RALGPS1: variants seen among roughly 807,000 people sequenced by gnomAD.
The protein encoded by RALGPS1 is Ral GEF with PH domain and SH3 binding motif 1, also known as ras-specific guanine nucleotide-releasing factor RalGPS1.
Under a neutral mutation model 78.8 loss-of-function variants are expected in RALGPS1, and 19 were observed. That is an observed-to-expected ratio of 0.24 (90% CI 0.17 to 0.35). RALGPS1 has a LOEUF of 0.35. RALGPS1 is among the 10% of genes least tolerant of loss of function. The pLI, the probability that RALGPS1 is intolerant of heterozygous loss-of-function variation, is 1.00. For missense variants in RALGPS1, 454 were observed against 688.3 expected, an observed-to-expected ratio of 0.66 and a Z score of 3.81; for synonymous variants, 228 against 256.3, an observed-to-expected ratio of 0.89 and a Z score of 1.06.
intron 8 of RALGPS1, among the ~76,000 whole-genome samples, chr9:127,119,051 C>G (rs1310397580): frequency 2.0e-5 from 3 of 152,142 alleles, no homozygotes; most frequent in Non-Finnish European, 4.4e-5. Context: ...TTCCCTGAGG[C>G]TCTGCCCCCA....
At position 127,185,398 on chromosome 9, in the gene RALGPS1, C is replaced by T. The variant is rs189097879; in HGVS notation, c.911-9693C>T. Among the ~76,000 whole-genome samples the T allele has an allele frequency of 2.0e-5, 3 of 152,346 alleles. No individual in the cohort carries two copies. The East Asian group carries it at 5.8e-4, about 29-fold the overall frequency. On this transcript the variant is annotated intron_variant, in intron 11 of 18. Transcript: ENST00000259351. ...GCACCCACCTGGACATCAGGCCCTC[C>T]AGGGGTCCCCTCTGTGTTCTCACGT...
At chr9:127,005,647 G>T (rs914707078) in intron 4 of RALGPS1, among the ~76,000 whole-genome samples, 3 of 152,114 alleles carry the variant, frequency 2.0e-5, no homozygotes, top group African/African-American at 7.2e-5. Flanking sequence ...CAAAGGATAA[G>T]CCTTGAAGTA....
At chr9:127,129,497 A>C (rs1588072093) in intron 8 of RALGPS1, among the ~76,000 whole-genome samples, 1 of 152,182 alleles carries the variant, frequency 6.6e-6, no homozygotes, top group African/African-American at 2.4e-5. Flanking sequence ...CATTCCAAAG[A>C]CCAGCCAAGC....
intron 8 of RALGPS1, chr9:127,092,058 C>T (rs1378840367): frequency 7.7e-7 from 1 of 1,304,394 alleles, no homozygotes; most frequent in Non-Finnish European, 1.1e-6. Context: ...GAGCATGAAG[C>T]AGACCTGGTT....
chr9:127,115,938 C>T (rs999335180), intron 8 of RALGPS1, among the ~76,000 whole-genome samples: 14 of 152,310 alleles, frequency 9.2e-5, no homozygotes, highest in African/African-American at 3.4e-4. Flanking sequence ...CTCCAGCTGC[C>T]CTCCCCTCCT....
chr9:127,101,850 C>T (rs939340694), intron 8 of RALGPS1, among the ~76,000 whole-genome samples: 2 of 152,120 alleles, frequency 1.3e-5, no homozygotes, highest in Non-Finnish European at 2.9e-5. Context: ...AGATTTTTCT[C>T]TGTGTGTATA....
rs544441424 is a variant in RALGPS1 at position 127,110,162 on chromosome 9, G to A, written c.610+40806G>A. On this transcript the variant is annotated intron_variant, in intron 8 of 18. Transcript: ENST00000259351. ...TTTCCAGAAAGTTCCTCTCTTCCTG[G>A]TCTCTCTTGAGCCCACCCTCATCAG... 3.3e-5 allele frequency among the ~76,000 whole-genome samples: 5 copies of A among 152,210 alleles called. No homozygotes were observed. In the South Asian group the frequency reaches 1.0e-3, roughly 32 times the overall value.
chr9:127,038,262 G>A (rs996437078), intron 5 of RALGPS1, among the ~76,000 whole-genome samples: 4 of 152,136 alleles, frequency 2.6e-5, no homozygotes, highest in Non-Finnish European at 4.4e-5. Flanking sequence ...CATTTTACCC[G>A]TGCTATCTAA....
chr9:127,179,224 A>G (rs1255222362), intron 11 of RALGPS1, among the ~76,000 whole-genome samples: 1 of 152,202 alleles, frequency 6.6e-6, no homozygotes, highest in South Asian at 2.1e-4. Flanking sequence ...GTTTTCATTG[A>G]TCACTAGAGG....
chr9:127,198,991 C>G, intron 13 of RALGPS1, 24 bp from the exon 14 acceptor site: 2 of 1,611,100 alleles, frequency 1.2e-6, no homozygotes, highest in Non-Finnish European at 1.7e-6. Flanking sequence ...CCGTTGTGCT[C>G]ATTGACCTGT....
At chr9:127,176,073 G>C (rs2059853886) in intron 11 of RALGPS1, among the ~76,000 whole-genome samples, 1 of 152,042 alleles carries the variant, frequency 6.6e-6, no homozygotes, top group African/African-American at 2.4e-5. Flanking sequence ...GCCAGACCCT[G>C]CCTCCAGCAC....
intron 4 of RALGPS1, among the ~76,000 whole-genome samples, chr9:127,020,554 G>A (rs2045343631): frequency 6.6e-6 from 1 of 152,240 alleles, no homozygotes; most frequent in Non-Finnish European, 1.5e-5. Flanking sequence ...TGAATGTGAT[G>A]AATTGTTTCT....
rs118045136 is a variant in RALGPS1, at chr9:126,926,832, A to G, written c.-66+11857A>G. On this transcript the variant is annotated intron_variant, in intron 1 of 18. Coordinates refer to ENST00000259351, the MANE Select transcript of RALGPS1 (RefSeq NM_014636.3). ...AGGCAGGTTCAAAAGAAACTGATGT[A>G]GAGGCCTCTCCTACTTGGTAGATGG... 1.8e-4 allele frequency among the ~76,000 whole-genome samples: 28 copies of G among 152,244 alleles called. No individual in the cohort carries two copies. In the East Asian group the frequency reaches 3.7e-3, roughly 20 times the overall value.
intron 4 of RALGPS1, among the ~76,000 whole-genome samples, chr9:127,026,521 C>G (rs1263595726): frequency 6.6e-6 from 1 of 152,222 alleles, no homozygotes; most frequent in Non-Finnish European, 1.5e-5. Flanking sequence ...ATACAAGTCT[C>G]TTTTCTATCA....
intron 8 of RALGPS1, among the ~76,000 whole-genome samples, chr9:127,115,652 G>T (rs1392536163): frequency 6.6e-6 from 1 of 152,242 alleles, no homozygotes; most frequent in African/African-American, 2.4e-5. Flanking sequence ...CAACCAGTAT[G>T]AATAAAAGGT....
intron 8 of RALGPS1, among the ~76,000 whole-genome samples, chr9:127,083,775 G>A (rs1028661629): frequency 2.0e-5 from 3 of 152,218 alleles, no homozygotes; most frequent in Non-Finnish European, 4.4e-5. Flanking sequence ...TGAGGTGCTA[G>A]GCATGAAGCA....
At chr9:127,032,283 G>A (rs1297154060) in intron 4 of RALGPS1, among the ~76,000 whole-genome samples, 1 of 152,204 alleles carries the variant, frequency 6.6e-6, no homozygotes, top group African/African-American at 2.4e-5. Flanking sequence ...GGTCCACACT[G>A]CTCCCTTTCT....
chr9:127,196,668 G>A, intron 13 of RALGPS1, 37 bp downstream of exon 13: 1 of 1,541,874 alleles, frequency 6.5e-7, no homozygotes, highest in Non-Finnish European at 8.8e-7. Flanking sequence ...AGGCTGGTGG[G>A]CTGTAGGCCC....
intron 14 of RALGPS1, 122 bp downstream of exon 14, chr9:127,199,188 T>A: frequency 1.1e-6 from 1 of 902,514 alleles, no homozygotes; most frequent in Non-Finnish European, 1.8e-6. Context: ...GCTCTGTGGC[T>A]CCTTCAGCAG....
Sources: allele counts gnomAD v4.1 joint callset (sites outside exome capture counted in the v4.1 genomes callset), GRCh38; gene constraint gnomAD v4.1.1; transcripts MANE v1.5; gene names NCBI Gene and HGNC (gene_info 2026-07-23, HGNC 2026-07-21).